Variants in NSD1 observed in about 807,000 individuals in gnomAD.
NSD1 encodes the protein nuclear receptor binding SET domain protein 1, also known as histone-lysine N-methyltransferase, H3 lysine-36 specific.
NSD1 carries 26 observed loss-of-function variants against 242.7 expected under a neutral mutation model. The ratio of observed to expected loss-of-function variants is 0.11; its 90% CI spans 0.08 to 0.15. NSD1 has a LOEUF of 0.15. NSD1 is among the 10% of genes least tolerant of loss of function. The pLI, the probability that NSD1 is intolerant of heterozygous loss-of-function variation, is 1.00. For synonymous variants in NSD1, 1,106 were observed against 1,178.1 expected, an observed-to-expected ratio of 0.94 and a Z score of 1.25; for missense variants, 2,495 against 3,272.8, an observed-to-expected ratio of 0.76 and a Z score of 5.80.
rs2127281974 is a variant in NSD1 at position 177,294,576 on chromosome 5, C to G, written c.7208C>G (p.Ser2403Ter). The G allele has an allele frequency of 6.2e-7, 1 of 1,614,250 alleles. No individual in the cohort carries two copies. Among genetic ancestry groups the G allele is most frequent in the Non-Finnish European group, 8.5e-7 (1 of 1,180,042 alleles). The change falls in exon 23 of 23, where the codon TCA (serine) becomes TGA (stop). Residue 2403 changes from serine (S) to a stop codon, truncating the protein, a stop_gained. Transcript: ENST00000439151. LOFTEE classifies it high-confidence loss of function. ...LITSSPKPQTSDRPTDKPHAS... is the reference protein window; with the variant it reads ...LITSSPKPQT ...ACTAGCAGTCCCAAACCCCAGACTT[C>G]AGACAGGCCTACTGACAAACCCCAT...
intron 4 of NSD1, among the ~76,000 whole-genome samples, chr5:177,204,667 G>A (rs999863135): frequency 1.3e-5 from 2 of 152,114 alleles, no homozygotes; most frequent in Non-Finnish European, 2.9e-5. Flanking sequence ...ATCTACTTGG[G>A]AGTTAGCAGA....
chr5:177,204,233 G>A lies in NSD1; in HGVS notation c.1177G>A (p.Glu393Lys), dbSNP rs2149836297. ...IVMFEGRHQF[E>K]ELPVLRRRGK... ...CATGTTTGAAGGCAGACATCAATTCGAAGAGCTACCTGTCCTTAGGAGAAG... is the reference window on the plus strand; with the variant it reads ...CATGTTTGAAGGCAGACATCAATTCAAAGAGCTACCTGTCCTTAGGAGAAG... Residue 393 changes from glutamate (E) to lysine (K), a missense_variant, in exon 4 of 23, where the codon GAA becomes AAA. This residue lies in a region of NSD1 where 65 missense variants were observed against 136.2 expected (regional missense o/e 0.48). Coordinates refer to ENST00000439151, the MANE Select transcript of NSD1 (RefSeq NM_022455.5). The A allele has an allele frequency of 6.2e-7, 1 of 1,614,100 alleles. No individual in the cohort carries two copies. The highest frequency in any genetic ancestry group is 1.1e-5 in the South Asian group (1 of 91,080).
At position 177,203,520 on chromosome 5, in the gene NSD1, T is replaced by C. The variant is rs545240989; in HGVS notation, c.1064-600T>C. On this transcript the variant is annotated intron_variant, in intron 3 of 22. Coordinates refer to ENST00000439151, the MANE Select transcript of NSD1 (RefSeq NM_022455.5). Reference sequence around the variant, plus strand: ...GACCATGCGCTTGTTCTCTCTGAAGTTATTGAACTTACTATATCTAAAATA... The same window carrying C: ...GACCATGCGCTTGTTCTCTCTGAAGCTATTGAACTTACTATATCTAAAATA... 5.3e-5 allele frequency among the ~76,000 whole-genome samples: 8 copies of C among 152,310 alleles called. No individual in the cohort carries two copies. In the South Asian group the frequency reaches 1.7e-3, roughly 32 times the overall value.
intron 10 of NSD1, chr5:177,247,890 T>C: frequency 1.0e-6 from 1 of 981,494 alleles, no homozygotes; most frequent in Non-Finnish European, 1.2e-6. Context: ...AAATAAGTAA[T>C]CAAATAAACT....
rs1008678599 is a variant in NSD1, at chr5:177,245,565, T to C, written c.4379-1113T>C. ...ATGAAATACCTCTTAGATTCCTCTT[T>C]ATGTTTCTATAACACAGTTGAAATG... On this transcript the variant is annotated intron_variant, in intron 9 of 22. Coordinates refer to ENST00000439151, the MANE Select transcript of NSD1 (RefSeq NM_022455.5). Among the ~76,000 whole-genome samples the C allele has an allele frequency of 2.0e-5, 3 of 152,162 alleles. No individual in the cohort carries two copies. The South Asian group carries it at 6.2e-4, about 31-fold the overall frequency.
intron 12 of NSD1, among the ~76,000 whole-genome samples, chr5:177,256,198 C>T (rs982629165): frequency 3.3e-5 from 5 of 150,532 alleles, no homozygotes; most frequent in Non-Finnish European, 7.4e-5. Flanking sequence ...CATTGTATGT[C>T]GGGTGATTTC....
Position 177,141,505 on chromosome 5 carries a change from A to G in NSD1, c.927+5475A>G, listed in dbSNP as rs1756817284. On this transcript the variant is annotated intron_variant, in intron 2 of 22. Transcript: ENST00000439151. ...TCCACCATGCTTGGCTAATTTTTGT[A>G]TTTTTAGCAGAGAGAGGTTTCACCA... is the stretch of plus-strand genomic sequence containing the variant. 2.1e-5 allele frequency among the ~76,000 whole-genome samples: 3 copies of G among 144,314 alleles called. No homozygotes were observed. In the Admixed American group the frequency reaches 2.1e-4, roughly 10 times the overall value. 94.7% of individuals were successfully genotyped at this position (144,314 alleles called of 152,430 possible).
chr5:177,277,404 A>G (rs1199634731), intron 17 of NSD1, among the ~76,000 whole-genome samples: 2 of 152,176 alleles, frequency 1.3e-5, no homozygotes, highest in Non-Finnish European at 2.9e-5. Context: ...TTTATATTAC[A>G]GTGGCAGAGT....
chr5:177,192,080 G>T (rs1761733817), intron 3 of NSD1, 61 bp downstream of exon 3: 2 of 1,405,442 alleles, frequency 1.4e-6, no homozygotes, highest in Non-Finnish European at 2.0e-6. Flanking sequence ...CTCAATTTTT[G>T]TTATCTTAAT....
At chr5:177,204,350 AAAT>A in intron 4 of NSD1, 58 bp downstream of exon 4, 1 of 1,483,264 alleles carries the variant, frequency 6.7e-7, no homozygotes, top group East Asian at 2.3e-5. Flanking sequence ...AAAAGAAAGA[AAAT>A]GGCCTCTTAT....
intron 5 of NSD1, among the ~76,000 whole-genome samples, chr5:177,216,948 GTTT>G (rs539879823): frequency 2.8e-5 from 4 of 141,602 alleles, no homozygotes; most frequent in South Asian, 2.2e-4. Flanking sequence ...AAGGCCTTCA[GTTT>G]TTTTTTTTTT....
chr5:177,229,645 A>T (rs1388811078), intron 5 of NSD1: 1 of 244,056 alleles, frequency 4.1e-6, no homozygotes, highest in African/African-American at 2.4e-5. Context: ...CTAACTGAAA[A>T]GTGCTGTAAC....
In NSD1 at chr5:177,211,025, G is replaced by A. The variant is rs779998560; in HGVS notation, c.2626G>A (p.Val876Ile). ...ELSYRSLGEDVSDSGTSKPSK... is the reference protein window; with the variant it reads ...ELSYRSLGEDISDSGTSKPSK... ...CTCTTACAGATCCTTAGGTGAGGAT[G>A]TCAGTGACTCTGGAACATCAAAGCC... The change falls in exon 5 of 23, where the codon GTC becomes ATC. Residue 876 changes from valine to isoleucine, a missense_variant. This residue lies in a region of NSD1 where 121 missense variants were observed against 167.2 expected (regional missense o/e 0.72). Transcript: ENST00000439151. 2 of 1,614,210 alleles carry A rather than the reference G, an allele frequency of 1.2e-6. No individual in the cohort carries two copies. The highest frequency in any genetic ancestry group is 3.3e-5 in the Admixed American group (2 of 60,024).
intron 2 of NSD1, 151 bp downstream of exon 2, chr5:177,136,181 T>C (rs1756314761): frequency 1.5e-6 from 1 of 672,886 alleles, no homozygotes; most frequent in African/African-American, 1.8e-5. Flanking sequence ...AAAATTTTAC[T>C]TTGATTTTTA....
At position 177,210,559 on chromosome 5, in the gene NSD1, G is replaced by A. The variant is rs773833566; in HGVS notation, c.2160G>A (p.Glu720=). ...TAATGGGTTGTACTAAGAGTGCAGA[G>A]CCTGGAACCGAGACGTCTCAGGTTA... ...DHLMGCTKSA[E]PGTETSQVNL... Residue 720 remains glutamate (E), a synonymous_variant, in exon 5 of 23, where the codon GAG becomes GAA. Coordinates refer to ENST00000439151, the MANE Select transcript of NSD1 (RefSeq NM_022455.5). The A allele has an allele frequency of 3.1e-6, 5 of 1,614,118 alleles. No homozygotes were observed. The Admixed American group carries it at 8.3e-5, about 27-fold the overall frequency.
intron 2 of NSD1, among the ~76,000 whole-genome samples, chr5:177,149,479 C>A (rs1404604391): frequency 6.6e-6 from 1 of 152,100 alleles, no homozygotes; most frequent in Non-Finnish European, 1.5e-5. Flanking sequence ...CTCGGCCTCC[C>A]AAAGTGCTGG....
Position 177,211,943 on chromosome 5 carries a change from A to G in NSD1, c.3544A>G (p.Asn1182Asp). The G allele has an allele frequency of 6.2e-7, 1 of 1,604,168 alleles. No homozygotes were observed. Among genetic ancestry groups the G allele is most frequent in the South Asian group, 1.1e-5 (1 of 89,844 alleles). The change falls in exon 5 of 23, where the codon AAC (asparagine) becomes GAC (aspartate). Residue 1182 changes from asparagine (N) to aspartate (D), a missense_variant. Coordinates refer to ENST00000439151, the MANE Select transcript of NSD1 (RefSeq NM_022455.5). ...KRMNRFKEKE[N>D]SECAFRVLLP... is the part of the protein sequence containing the mutation. The stretch of plus-strand genomic sequence containing the variant: ...CATGAACAGATTTAAAGAGAAAGAA[A>G]ACTCTGAGTGTGCCTTTAGGGTCTT...
intron 4 of NSD1, among the ~76,000 whole-genome samples, chr5:177,205,513 A>G (rs1366650745): frequency 6.6e-6 from 1 of 150,996 alleles, no homozygotes; most frequent in Non-Finnish European, 1.5e-5. Context: ...TTTTTCCTCC[A>G]GTTTTTTTTA....
chr5:177,244,277 A>G lies in NSD1; in HGVS notation c.4378+7A>G, dbSNP rs587784116. Reference sequence around the variant, plus strand: ...TCAAAAGATTTTGGTGGAGGTGAGTATTTTTGAGATTTAAAAAACGTAATG... The same window carrying G: ...TCAAAAGATTTTGGTGGAGGTGAGTGTTTTTGAGATTTAAAAAACGTAATG... On this transcript the variant is annotated splice_region_variant and intron_variant, in intron 9 of 22. Transcript: ENST00000439151. 2.5e-6 allele frequency: 4 copies of G among 1,600,304 alleles called. No individual in the cohort carries two copies. Among genetic ancestry groups the G allele is most frequent in the East Asian group, 2.2e-5 (1 of 44,794 alleles).
Sources: gnomAD v4.1 joint callset for allele counts (sites outside exome capture counted in the v4.1 genomes callset) on GRCh38, gnomAD v4.1.1 for gene constraint, gnomAD v4.1.1 regional missense constraint, MANE v1.5 for transcripts, NCBI Gene and HGNC (gene_info 2026-07-23, HGNC 2026-07-21) for gene names.